Variants in ASTN2 observed in about 807,000 individuals in gnomAD.
The protein encoded by ASTN2 is astrotactin-2.
Under a neutral mutation model 139.8 loss-of-function variants are expected in ASTN2, and 54 were observed. The ratio of observed to expected loss-of-function variants is 0.39; its 90% confidence interval spans 0.31 to 0.48. ASTN2 has a LOEUF of 0.48. ASTN2 is among the 20% of genes least tolerant of loss of function. ASTN2 has a pLI of 0.95. For synonymous variants in ASTN2, 756 were observed against 719.5 expected (o/e 1.05, Z -0.81); for missense variants, 1,565 against 1,725.1 (o/e 0.91, Z 1.64).
intron 1 of ASTN2, among the ~76,000 whole-genome samples, chr9:117,404,155 A>G (rs914054156): frequency 6.6e-6 from 1 of 152,386 alleles, no homozygotes; most frequent in Admixed American, 6.5e-5. Context: ...AAGTTAGCAC[A>G]GTGCCCAGTG....
At chr9:116,706,434 A>G (rs1321779896) in intron 16 of ASTN2, among the ~76,000 whole-genome samples, 1 of 152,012 alleles carries the variant, frequency 6.6e-6, no homozygotes, top group Non-Finnish European at 1.5e-5. Context: ...CAAACCACCT[A>G]AGAATCCTCA....
At chr9:117,358,464 G>A (rs528523275) in intron 1 of ASTN2, among the ~76,000 whole-genome samples, 1 of 152,104 alleles carries the variant, frequency 6.6e-6, no homozygotes, top group Non-Finnish European at 1.5e-5. Flanking sequence ...TTTTGGGCCT[G>A]ATAGCACAAT....
chr9:116,859,017 TA>T (rs1380487212), intron 11 of ASTN2, among the ~76,000 whole-genome samples: 1 of 152,120 alleles, frequency 6.6e-6, no homozygotes, highest in African/African-American at 2.4e-5. Flanking sequence ...GTTCCAGAGG[TA>T]AGTCTTTCTC....
chr9:117,025,398 C>G (rs1348223863), intron 6 of ASTN2, among the ~76,000 whole-genome samples: 1 of 152,124 alleles, frequency 6.6e-6, no homozygotes, highest in African/African-American at 2.4e-5. Flanking sequence ...TAATTGATTC[C>G]ACATTTCAAG....
chr9:116,951,383 A>ATACTGCCATGTAT (rs1402156651), intron 10 of ASTN2, among the ~76,000 whole-genome samples: 1 of 142,044 alleles, frequency 7.0e-6, no homozygotes, highest in East Asian at 2.2e-4. Context: ...GTGGTTGTAG[A>ATACTGCCATGTAT]TACTGCCATG....
At chr9:116,941,697 T>A (rs1179873689) in intron 10 of ASTN2, among the ~76,000 whole-genome samples, 7 of 151,730 alleles carry the variant, frequency 4.6e-5, no homozygotes, top group Non-Finnish European at 1.0e-4. Context: ...AAATTAACCA[T>A]CACACTCTAG....
intron 22 of ASTN2, among the ~76,000 whole-genome samples, chr9:116,431,369 T>C (rs755229267): frequency 6.6e-6 from 1 of 152,058 alleles, no homozygotes; most frequent in East Asian, 1.9e-4. Flanking sequence ...GAGGACATGA[T>C]GTGGTTGCAA....
chr9:117,371,261 T>A (rs1240515646), intron 1 of ASTN2, among the ~76,000 whole-genome samples: 1 of 152,174 alleles, frequency 6.6e-6, no homozygotes, highest in Non-Finnish European at 1.5e-5. Flanking sequence ...CTAAATCCAG[T>A]TGGACATTCC....
At chr9:117,077,656 G>A (rs900279750) in intron 5 of ASTN2, among the ~76,000 whole-genome samples, 1 of 152,174 alleles carries the variant, frequency 6.6e-6, no homozygotes, top group Non-Finnish European at 1.5e-5. Flanking sequence ...GCTGAGGCAA[G>A]AGAATCGCTT....
intron 17 of ASTN2, among the ~76,000 whole-genome samples, chr9:116,634,589 CA>C (rs57882262): frequency 1.4e-3 from 143 of 104,176 alleles, no homozygotes; most frequent in African/African-American, 4.4e-3. Flanking sequence ...GACTCCGTCT[CA>C]AAAAAAAAAA....
At chr9:117,134,388 T>C (rs577989913) in intron 4 of ASTN2, among the ~76,000 whole-genome samples, 43 of 147,690 alleles carry the variant, frequency 2.9e-4, no homozygotes, top group African/African-American at 1.1e-3. Flanking sequence ...ATTGAAACAT[T>C]GAAGCTTATC....
intron 2 of ASTN2, among the ~76,000 whole-genome samples, chr9:117,241,932 C>CCCA (rs1833221675): frequency 2.7e-5 from 4 of 147,768 alleles, no homozygotes; most frequent in African/African-American, 7.6e-5. Context: ...TTACCCCCCC[C>CCCA]CACACACACA....
intron 3 of ASTN2, among the ~76,000 whole-genome samples, chr9:117,165,971 C>A (rs961208152): frequency 6.6e-6 from 1 of 152,050 alleles, no homozygotes; most frequent in African/African-American, 2.4e-5. Context: ...CATTGATTAT[C>A]TGAGGTTTCC....
At chr9:116,771,791 G>C (rs1050203853) in intron 13 of ASTN2, among the ~76,000 whole-genome samples, 2 of 152,228 alleles carry the variant, frequency 1.3e-5, no homozygotes, top group African/African-American at 2.4e-5. Context: ...GCAGTCCATG[G>C]ACAGTTGGCC....
intron 13 of ASTN2, among the ~76,000 whole-genome samples, chr9:116,775,704 A>G (rs1172218956): frequency 7.6e-6 from 1 of 131,820 alleles, no homozygotes; most frequent in African/African-American, 2.8e-5. Context: ...GAGGGAAAGA[A>G]GGAAGGAAAG....
At chr9:116,437,999 C>G (rs1847712644) in intron 22 of ASTN2, among the ~76,000 whole-genome samples, 1 of 152,184 alleles carries the variant, frequency 6.6e-6, no homozygotes, top group South Asian at 2.1e-4. Context: ...ATGTCAAACT[C>G]TGCACAACTC....
At chr9:116,952,966 G>A (rs1410848729) in intron 10 of ASTN2, among the ~76,000 whole-genome samples, 1 of 152,160 alleles carries the variant, frequency 6.6e-6, no homozygotes, top group Non-Finnish European at 1.5e-5. Flanking sequence ...CCGTCTTATT[G>A]TCCCACAGTG....
At chr9:117,186,850 G>A (rs545391999) in intron 3 of ASTN2, among the ~76,000 whole-genome samples, 1 of 152,180 alleles carries the variant, frequency 6.6e-6, no homozygotes, top group Non-Finnish European at 1.5e-5. Context: ...TATAAAGAAG[G>A]CCGGGCGAAG....
chr9:117,002,196 T>C (rs575966344), intron 7 of ASTN2, among the ~76,000 whole-genome samples: 3 of 152,210 alleles, frequency 2.0e-5, no homozygotes, highest in Non-Finnish European at 4.4e-5. Flanking sequence ...GTTGACTTTC[T>C]AGCAGGGGAG....
Sources: gnomAD v4.1 joint callset for allele counts (sites outside exome capture counted in the v4.1 genomes callset) on GRCh38, gnomAD v4.1.1 for gene constraint, MANE v1.5 for transcripts, NCBI Gene and HGNC (gene_info 2026-07-23, HGNC 2026-07-21) for gene names.